Variants in NRXN3 observed in about 807,000 individuals in gnomAD.
The protein encoded by NRXN3 is neurexin III.
Under a neutral mutation model 137.6 loss-of-function variants are expected in NRXN3, and 32 were observed. The observed-to-expected ratio is 0.23, with a 90% CI of 0.18 to 0.31. The LOEUF (loss-of-function observed/expected upper bound fraction) is 0.31, where lower values mean the gene tolerates loss of function less well. Among genes scored for constraint, NRXN3 ranks in the 10% least tolerant of loss-of-function variants. The pLI, the probability that NRXN3 is intolerant of heterozygous loss-of-function variation, is 1.00. For synonymous variants in NRXN3, 798 were observed against 784.5 expected, an observed-to-expected ratio of 1.02 and a Z score of -0.29; for missense variants, 1,574 against 2,062.5, an observed-to-expected ratio of 0.76 and a Z score of 4.59.
intron 16 of NRXN3, among the ~76,000 whole-genome samples, chr14:79,515,586 C>A (rs554705947): frequency 7.1e-6 from 1 of 141,778 alleles, no homozygotes; most frequent in Non-Finnish European, 1.5e-5. Context: ...CATGTGCATA[C>A]CCCTTAGCCT....
At chr14:79,485,914 C>A (rs563101427) in intron 16 of NRXN3, among the ~76,000 whole-genome samples, 25 of 152,094 alleles carry the variant, frequency 1.6e-4, no homozygotes, top group African/African-American at 4.8e-4. Context: ...GATGCTTGAA[C>A]GTGTCCTTTA....
At chr14:78,301,236 G>A (rs2076849712) in intron 4 of NRXN3, among the ~76,000 whole-genome samples, 2 of 152,068 alleles carry the variant, frequency 1.3e-5, no homozygotes, top group Admixed American at 1.3e-4. Context: ...CTGATGGGGT[G>A]ATGGGTTCAG....
chr14:78,195,954 T>G (rs1171628632), intron 1 of NRXN3, among the ~76,000 whole-genome samples: 1 of 152,254 alleles, frequency 6.6e-6, no homozygotes, highest in Non-Finnish European at 1.5e-5. Flanking sequence ...TCAAGCACCT[T>G]ATCCATGGTC....
intron 15 of NRXN3, among the ~76,000 whole-genome samples, chr14:78,990,361 ATT>A (rs1163720240): frequency 1.2e-3 from 88 of 76,046 alleles, no homozygotes; most frequent in African/African-American, 4.0e-3. Flanking sequence ...GTTCACATCT[ATT>A]TTTTTTTTTT....
intron 4 of NRXN3, among the ~76,000 whole-genome samples, chr14:78,604,956 T>C (rs2097235960): frequency 6.6e-6 from 1 of 152,160 alleles, no homozygotes; most frequent in Non-Finnish European, 1.5e-5. Flanking sequence ...CAAGACAGTC[T>C]CAAAGGATAT....
chr14:78,517,743 C>A (rs191562775), intron 4 of NRXN3, among the ~76,000 whole-genome samples: 22 of 152,268 alleles, frequency 1.4e-4, no homozygotes, highest in African/African-American at 5.3e-4. Flanking sequence ...GAAAAGTACT[C>A]AGGACAATTA....
intron 8 of NRXN3, among the ~76,000 whole-genome samples, chr14:78,802,113 T>A (rs778785028): frequency 6.6e-6 from 1 of 152,224 alleles, no homozygotes; most frequent in African/African-American, 2.4e-5. Flanking sequence ...GTGAGTGATA[T>A]TCTCTTCCTG....
chr14:78,617,197 C>T (rs2097355648), intron 4 of NRXN3, among the ~76,000 whole-genome samples: 1 of 152,096 alleles, frequency 6.6e-6, no homozygotes, highest in African/African-American at 2.4e-5. Context: ...CTACAAATGG[C>T]AGCTAACTGC....
At chr14:79,207,419 G>T (rs2066944165) in intron 15 of NRXN3, among the ~76,000 whole-genome samples, 1 of 152,140 alleles carries the variant, frequency 6.6e-6, no homozygotes, top group African/African-American at 2.4e-5. Flanking sequence ...AGACAAAAGA[G>T]ACTGAAGTAG....
intron 5 of NRXN3, among the ~76,000 whole-genome samples, chr14:78,648,323 A>G (rs749553348): frequency 7.9e-5 from 12 of 152,190 alleles, no homozygotes; most frequent in Non-Finnish European, 4.4e-5. Context: ...TCACAAACAC[A>G]AAACTGAGGT....
At chr14:78,202,616 A>G (rs1022948927) in intron 1 of NRXN3, among the ~76,000 whole-genome samples, 3 of 152,110 alleles carry the variant, frequency 2.0e-5, no homozygotes, top group African/African-American at 4.8e-5. Context: ...TTCTGTTTCT[A>G]TGTGTGTTGG....
At position 78,709,498 on chromosome 14, in the gene NRXN3, G is replaced by T. The variant is rs1567115185; in HGVS notation, c.1503G>T (p.Lys501Asn). ...AGAGGAAGGATGCTCGGAGCCAGAAGAATACAAAAGTAGACTTCTTTGCCG... is the reference window on the plus strand; with the variant it reads ...AGAGGAAGGATGCTCGGAGCCAGAATAATACAAAAGTAGACTTCTTTGCCG... ...PQERKDARSQ[K>N]NTKVDFFAVE... The change falls in exon 7 of 21, where the codon AAG (lysine) becomes AAT (asparagine). Residue 501 changes from lysine (K) to asparagine (N), a missense_variant. Coordinates refer to ENST00000335750, the MANE Select transcript of NRXN3 (RefSeq NM_001330195.2). The T allele has an allele frequency of 1.9e-6, 3 of 1,614,094 alleles. 1 individual carries two copies. The highest frequency in any genetic ancestry group is 3.3e-4 in the Middle Eastern group (2 of 6,062).
chr14:78,929,648 T>C (rs1461943223), intron 10 of NRXN3, among the ~76,000 whole-genome samples: 1 of 152,170 alleles, frequency 6.6e-6, no homozygotes, highest in East Asian at 1.9e-4. Context: ...AGTGCTTCAG[T>C]GAACATACAC....
intron 20 of NRXN3, among the ~76,000 whole-genome samples, chr14:79,860,538 C>A (rs1228304897): frequency 1.3e-5 from 2 of 152,208 alleles, no homozygotes; most frequent in Non-Finnish European, 2.9e-5. Context: ...AAGACACAAT[C>A]TTTTATGTTT....
chr14:78,281,558 A>G (rs1426485348), intron 3 of NRXN3, among the ~76,000 whole-genome samples: 1 of 152,210 alleles, frequency 6.6e-6, no homozygotes, highest in Non-Finnish European at 1.5e-5. Flanking sequence ...AAAAAGGGGC[A>G]GGCACATTTT....
chr14:79,121,564 TTTGA>T (rs1408033375), intron 15 of NRXN3, among the ~76,000 whole-genome samples: 44 of 152,224 alleles, frequency 2.9e-4, no homozygotes, highest in African/African-American at 1.0e-3. Flanking sequence ...ACAATTCTCT[TTTGA>T]TTATCTCGTT....
chr14:78,318,813 G>A (rs1370379559), intron 4 of NRXN3, among the ~76,000 whole-genome samples: 1 of 152,216 alleles, frequency 6.6e-6, no homozygotes, highest in African/African-American at 2.4e-5. Context: ...TACCATGAGA[G>A]CAAAGGCCCT....
rs920653759 is a variant in NRXN3, at chr14:78,502,036, G to C, written c.758-143084G>C. On this transcript the variant is annotated intron_variant, in intron 4 of 20. Coordinates refer to ENST00000335750, the MANE Select transcript of NRXN3 (RefSeq NM_001330195.2). ...CCACAGAAAGCCACAAAGGCCCAGA[G>C]ATGTGTTCGCACAGATGTCATCATC... Among the ~76,000 whole-genome samples the C allele has an allele frequency of 3.4e-4, 51 of 152,096 alleles. 1 individual carries two copies. Among genetic ancestry groups the C allele is most frequent in the Admixed American group, 2.4e-3 (37 of 15,274 alleles).
intron 4 of NRXN3, among the ~76,000 whole-genome samples, chr14:78,474,136 C>T (rs2095335429): frequency 6.6e-6 from 1 of 152,076 alleles, no homozygotes; most frequent in Non-Finnish European, 1.5e-5. Context: ...TAGTGGTCCT[C>T]TGAAAAACCA....
Sources: gnomAD v4.1 joint callset for allele counts (sites outside exome capture counted in the v4.1 genomes callset) on GRCh38, gnomAD v4.1.1 for gene constraint, MANE v1.5 for transcripts, NCBI Gene and HGNC (gene_info 2026-07-23, HGNC 2026-07-21) for gene names.